The following ZFP3 variants were observed in gnomAD, a reference collection of about 807,000 sequenced individuals.
The protein encoded by ZFP3 is ZFP3 zinc finger protein.
A neutral mutation model predicts 36.7 loss-of-function variants in ZFP3; 18 were observed. The ratio of observed to expected loss-of-function variants is 0.49; its 90% CI spans 0.34 to 0.73. The LOEUF is 0.73. Ranked by LOEUF, ZFP3 falls within the 30% of genes least tolerant of loss-of-function variation. The probability of loss-of-function intolerance (pLI) is 0.01; values close to 1 mark genes in which losing one functional copy is unlikely to be tolerated. For missense variants in ZFP3, 495 were observed against 599.0 expected (o/e 0.83, Z 1.81); for synonymous variants, 218 against 199.0 (o/e 1.10, Z -0.81).
chr17:5,088,685 T>C (rs1469815109), intron 1 of ZFP3, among the ~76,000 whole-genome samples: 2 of 152,138 alleles, frequency 1.3e-5, no homozygotes, highest in Non-Finnish European at 2.9e-5. Flanking sequence ...TCTGACCTCG[T>C]GATCCACCAT....
intron 1 of ZFP3, among the ~76,000 whole-genome samples, chr17:5,086,353 G>C (rs1033162740): frequency 1.3e-5 from 2 of 152,098 alleles, no homozygotes; most frequent in Non-Finnish European, 2.9e-5. Context: ...CAGAGAGAAG[G>C]GGAGTCCAAA....
intron 1 of ZFP3, among the ~76,000 whole-genome samples, chr17:5,082,505 C>T (rs915716487): frequency 4.6e-5 from 7 of 152,054 alleles, no homozygotes; most frequent in Non-Finnish European, 7.4e-5. Flanking sequence ...TAATACAAGT[C>T]CCAATCTTTG....
At position 5,091,747 on chromosome 17, in the gene ZFP3, A is replaced by C; in HGVS notation, c.243A>C (p.Ser81=). Residue 81 remains serine, a synonymous_variant, in exon 2 of 2, where the codon TCA becomes TCC. Transcript: ENST00000318833. ...TGATGATCTTTAAGAAATCACCCTC[A>C]AGTGAGAAAGACCGGGAGAATAATG... ...SGLMIFKKSP[S]SEKDRENNES... is the part of the protein sequence containing the mutation. The C allele has an allele frequency of 6.2e-7, 1 of 1,614,236 alleles. No individual in the cohort carries two copies. The highest frequency in any genetic ancestry group is 8.5e-7 in the Non-Finnish European group (1 of 1,180,042).
At position 5,078,808 on chromosome 17, in the gene ZFP3, C is replaced by G. The variant is rs1001737414; in HGVS notation, c.-9+233C>G. ...GGACAGTCCCAGCTCTGGTTTGGTG[C>G]CTGTCAGCCGTGGGGGTGGGAGAAG... On this transcript the variant is annotated intron_variant, in intron 1 of 1. Coordinates refer to ENST00000318833, the MANE Select transcript of ZFP3 (RefSeq NM_153018.3). The surrounding 1 kb of genome is among the most constrained non-coding windows in gnomAD (Gnocchi z 4.5). Among the ~76,000 whole-genome samples, 5 of 152,334 alleles carry G rather than the reference C, an allele frequency of 3.3e-5. No homozygotes were observed. Among genetic ancestry groups the G allele is most frequent in the African/African-American group, 9.6e-5 (4 of 41,570 alleles).
In ZFP3 at chr17:5,091,927, T is replaced by C. The variant is rs755736966; in HGVS notation, c.423T>C (p.His141=). The part of the protein sequence containing the change: ...TQRSSVGEKP[H]TCKECGKAFN... ...GAAGTTCTGTGGGAGAAAAGCCTCA[T>C]ACATGTAAAGAATGTGGGAAAGCCT... Residue 141 remains histidine, a synonymous_variant, in exon 2 of 2, where the codon CAT becomes CAC. Transcript: ENST00000318833. The C allele has an allele frequency of 1.2e-6, 2 of 1,614,200 alleles. No individual in the cohort carries two copies. The highest frequency in any genetic ancestry group is 1.1e-5 in the South Asian group (1 of 91,086).
At chr17:5,083,247 A>G (rs1010878907) in intron 1 of ZFP3, among the ~76,000 whole-genome samples, 2 of 152,190 alleles carry the variant, frequency 1.3e-5, no homozygotes, top group Non-Finnish European at 2.9e-5. Context: ...CATTAAGAGT[A>G]GGATAACTCC....
chr17:5,081,129 ACT>A (rs915796337), intron 1 of ZFP3, among the ~76,000 whole-genome samples: 1 of 140,380 alleles, frequency 7.1e-6, no homozygotes, highest in East Asian at 2.0e-4. Context: ...ATGGAGTCTC[ACT>A]CTGCACTGGA....
chr17:5,083,725 C>A (rs952264638), intron 1 of ZFP3, among the ~76,000 whole-genome samples: 1 of 152,120 alleles, frequency 6.6e-6, no homozygotes, highest in African/African-American at 2.4e-5. Context: ...GATTCTCACG[C>A]AGCTAGCCTA....
rs187084989 is a variant in ZFP3 at position 5,094,931 on chromosome 17, G to T, written c.*1918G>T. 9.6e-5 allele frequency: 16 copies of T among 167,168 alleles called. No individual in the cohort carries two copies. In the East Asian group the frequency reaches 2.5e-3, roughly 26 times the overall value. 10.4% of individuals were successfully genotyped at this position (167,168 alleles called of 1,614,324 possible). ...TTACCCCAATTTAAAAGATAAGAAG[G>T]GGCAGTGTTAAGTAATTGACCCATG... On this transcript the variant is annotated 3_prime_UTR_variant, in exon 2 of 2. Coordinates refer to ENST00000318833, the MANE Select transcript of ZFP3 (RefSeq NM_153018.3).
At chr17:5,082,367 A>C (rs2072098477) in intron 1 of ZFP3, among the ~76,000 whole-genome samples, 1 of 152,072 alleles carries the variant, frequency 6.6e-6, no homozygotes, top group Admixed American at 6.5e-5. Flanking sequence ...TAAGTAAAAT[A>C]AAATAAATAA....
At chr17:5,089,570 T>C (rs1035438456) in intron 1 of ZFP3, among the ~76,000 whole-genome samples, 1 of 152,176 alleles carries the variant, frequency 6.6e-6, no homozygotes, top group African/African-American at 2.4e-5. Context: ...TATAAGGCAA[T>C]GGGGAATAAT....
chr17:5,089,478 C>T (rs930866978), intron 1 of ZFP3, among the ~76,000 whole-genome samples: 2 of 152,170 alleles, frequency 1.3e-5, no homozygotes, highest in Admixed American at 1.3e-4. Context: ...TGTGGCCAAT[C>T]CCAACTGCAA....
chr17:5,091,456 TATG>T (rs751424800), intron 1 of ZFP3, 38 bp from the exon 2 acceptor site: 1 of 1,567,968 alleles, frequency 6.4e-7, no homozygotes, highest in South Asian at 1.2e-5. Flanking sequence ...TTCATTTAAA[TATG>T]ATACGGTCCC....
chr17:5,089,657 C>T (rs1297005251), intron 1 of ZFP3, among the ~76,000 whole-genome samples: 1 of 150,552 alleles, frequency 6.6e-6, no homozygotes, highest in Non-Finnish European at 1.5e-5. Flanking sequence ...TCTCCTCCCA[C>T]CCACCCCTGC....
In ZFP3 at chr17:5,083,983, C is replaced by T. The variant is rs185464008; in HGVS notation, c.-9+5408C>T. Reference sequence around the variant, plus strand: ...CCAGGTTCAACTGATTCTCCTGCCTCAGCCTCCCGAGTAGCTGGGATTATA... The same window carrying T: ...CCAGGTTCAACTGATTCTCCTGCCTTAGCCTCCCGAGTAGCTGGGATTATA... On this transcript the variant is annotated intron_variant, in intron 1 of 1. Transcript: ENST00000318833. Among the ~76,000 whole-genome samples, 22 of 152,092 alleles carry T rather than the reference C, an allele frequency of 1.4e-4. No individual in the cohort carries two copies. The East Asian group carries it at 4.3e-3, about 29-fold the overall frequency.
intron 1 of ZFP3, among the ~76,000 whole-genome samples, chr17:5,083,734 T>A (rs1160972876): frequency 6.6e-6 from 1 of 152,212 alleles, no homozygotes; most frequent in Non-Finnish European, 1.5e-5. Flanking sequence ...GCAGCTAGCC[T>A]AGTTCCAGGC....
rs925013379 is a variant in ZFP3 at position 5,092,514 on chromosome 17, A to G, written c.1010A>G (p.Tyr337Cys). 1 of 1,614,190 alleles carries G rather than the reference A, an allele frequency of 6.2e-7. No individual in the cohort carries two copies. The highest frequency in any genetic ancestry group is 8.5e-7 in the Non-Finnish European group (1 of 1,180,024). The part of the protein sequence containing the change: ...HQRIHTGDKP[Y>C]ECNECGKTFG... ...AGAATTCATACAGGGGACAAACCCT[A>G]TGAATGTAATGAATGTGGGAAAACT... Residue 337 changes from tyrosine (Y) to cysteine (C), a missense_variant, in exon 2 of 2, where the codon TAT becomes TGT. This residue lies in a region of ZFP3 where 103 missense variants were observed against 186.8 expected (regional missense o/e 0.55). Coordinates refer to ENST00000318833, the MANE Select transcript of ZFP3 (RefSeq NM_153018.3). This position sits in a 1 kb window ranked among gnomAD's most constrained non-coding sequence, Gnocchi z 5.0.
At position 5,093,818 on chromosome 17, in the gene ZFP3, G is replaced by T. The variant is rs894710957; in HGVS notation, c.*805G>T. The T allele has an allele frequency of 6.0e-6, 1 of 167,030 alleles. No individual in the cohort carries two copies. The highest frequency in any genetic ancestry group is 1.5e-5 in the Non-Finnish European group (1 of 68,134). 10.3% of individuals were successfully genotyped at this position (167,030 alleles called of 1,614,324 possible). A position where few individuals can be genotyped will look rare whatever the true frequency, so the allele number is the denominator to read the frequency against. The stretch of plus-strand genomic sequence containing the variant: ...AATTTACAACGGGATTATAAGTGAA[G>T]GCCTTAGAATCCAGAGGGGCCGATT... On this transcript the variant is annotated 3_prime_UTR_variant, in exon 2 of 2. Coordinates refer to ENST00000318833, the MANE Select transcript of ZFP3 (RefSeq NM_153018.3).
intron 1 of ZFP3, among the ~76,000 whole-genome samples, chr17:5,079,996 G>A (rs1005277056): frequency 3.6e-4 from 55 of 151,916 alleles, no homozygotes; most frequent in African/African-American, 1.2e-3. Context: ...CCAAGATTGC[G>A]CCATTGCACT....
Sources: gnomAD v4.1 joint callset for allele counts (sites outside exome capture counted in the v4.1 genomes callset) on GRCh38, gnomAD v4.1.1 for gene constraint, gnomAD v4.1.1 regional missense constraint, Gnocchi (gnomAD v3.1) non-coding constraint, MANE v1.5 for transcripts, NCBI Gene and HGNC (gene_info 2026-07-23, HGNC 2026-07-21) for gene names.